ZNF536: variants seen among roughly 807,000 people sequenced by gnomAD.
ZNF536 encodes the protein zinc finger protein 536.
ZNF536 carries 13 observed loss-of-function variants against 84.5 expected under a neutral mutation model. The ratio of observed to expected loss-of-function variants is 0.15; its 90% CI spans 0.10 to 0.24. The LOEUF (loss-of-function observed/expected upper bound fraction) is 0.24. Ranked by LOEUF, ZNF536 falls within the 10% of genes least tolerant of loss-of-function variation. The probability of loss-of-function intolerance (pLI) is 1.00; values close to 1 mark genes in which losing one functional copy is unlikely to be tolerated. For missense variants in ZNF536, 1,536 were observed against 1,747.5 expected, an observed-to-expected ratio of 0.88 and a Z score of 2.16; for synonymous variants, 811 against 742.5, an observed-to-expected ratio of 1.09 and a Z score of -1.50.
intron 2 of ZNF536, among the ~76,000 whole-genome samples, chr19:30,469,888 C>G (rs2053562110): frequency 6.6e-6 from 1 of 152,182 alleles, no homozygotes; most frequent in African/African-American, 2.4e-5. Flanking sequence ...TGTCCCCAGC[C>G]CACCCCCACA....
intron 1 of ZNF536, among the ~76,000 whole-genome samples, chr19:30,576,045 C>T (rs1238183490): frequency 1.3e-5 from 2 of 152,132 alleles, no homozygotes; most frequent in African/African-American, 4.8e-5. Flanking sequence ...TCAAGTGTGC[C>T]CACATTGGAA....
At chr19:30,318,142 A>T (rs567881538) in intron 2 of ZNF536, among the ~76,000 whole-genome samples, 1 of 152,206 alleles carries the variant, frequency 6.6e-6, no homozygotes, top group South Asian at 2.1e-4. Context: ...TGATAAAACC[A>T]TCTTGGCCAG....
intron 1 of ZNF536, among the ~76,000 whole-genome samples, chr19:30,239,088 T>C (rs184809441): frequency 1.6e-4 from 25 of 152,232 alleles, no homozygotes; most frequent in Non-Finnish European, 2.9e-4. Context: ...CCAGAGGGTA[T>C]CCCAAATCTA....
chr19:30,638,488 G>C (rs1323029393), intron 1 of ZNF536, among the ~76,000 whole-genome samples: 2 of 152,180 alleles, frequency 1.3e-5, no homozygotes, highest in Non-Finnish European at 2.9e-5. Flanking sequence ...GGAAGCGTGA[G>C]AGGGGGGAAG....
chr19:30,694,455 T>C (rs1436050553), intron 1 of ZNF536, among the ~76,000 whole-genome samples: 1 of 151,680 alleles, frequency 6.6e-6, no homozygotes, highest in Non-Finnish European at 1.5e-5. Context: ...TAGTTGAGAG[T>C]GGTACAAAGT....
chr19:30,487,115 T>G (rs2054330728), intron 2 of ZNF536, among the ~76,000 whole-genome samples: 1 of 152,234 alleles, frequency 6.6e-6, no homozygotes, highest in African/African-American at 2.4e-5. Context: ...GAAGACAATT[T>G]GTCAATACCC....
upstream of ZNF536, among the ~76,000 whole-genome samples, chr19:30,227,151 G>A (rs987462039): frequency 1.3e-5 from 2 of 151,698 alleles, no homozygotes; most frequent in African/African-American, 4.8e-5. Flanking sequence ...ACGCGGGGAA[G>A]TTAGGGAAAA....
intron 3 of ZNF536, among the ~76,000 whole-genome samples, chr19:30,546,874 A>T (rs1398405482): frequency 2.6e-5 from 4 of 152,170 alleles, no homozygotes; most frequent in African/African-American, 9.7e-5. Context: ...AATATATTTA[A>T]ATCTGCAGTC....
chr19:30,643,158 C>A (rs2147356778), intron 1 of ZNF536, among the ~76,000 whole-genome samples: 1 of 152,306 alleles, frequency 6.6e-6, no homozygotes, highest in Admixed American at 6.5e-5. Context: ...GGAACGGGTG[C>A]TTCTTCTCCT....
At chr19:30,660,090 T>C (rs1251981912) in intron 1 of ZNF536, among the ~76,000 whole-genome samples, 2 of 152,182 alleles carry the variant, frequency 1.3e-5, no homozygotes, top group African/African-American at 4.8e-5. Flanking sequence ...TGTTCACAAA[T>C]GATAGTGACA....
At chr19:30,364,420 G>A (rs983599682) in intron 3 of ZNF536, among the ~76,000 whole-genome samples, 4 of 152,146 alleles carry the variant, frequency 2.6e-5, no homozygotes, top group South Asian at 2.1e-4. Flanking sequence ...CTAGCTACTC[G>A]GGAGGCTGAG....
chr19:30,498,493 C>T (rs1463526190), intron 2 of ZNF536, among the ~76,000 whole-genome samples: 2 of 151,976 alleles, frequency 1.3e-5, no homozygotes, highest in Non-Finnish European at 2.9e-5. Context: ...GAATACTGGG[C>T]TTAATACCTA....
At chr19:30,409,113 A>G (rs921797342) in intron 1 of ZNF536, among the ~76,000 whole-genome samples, 5 of 152,116 alleles carry the variant, frequency 3.3e-5, no homozygotes, top group African/African-American at 1.2e-4. Flanking sequence ...ATTATCATCC[A>G]TTCGTCTATT....
chr19:30,312,483 C>T (rs1033775952), intron 2 of ZNF536, among the ~76,000 whole-genome samples: 1 of 152,214 alleles, frequency 6.6e-6, no homozygotes, highest in South Asian at 2.1e-4. Flanking sequence ...TCTGGGATTC[C>T]TTGCGATCTT....
intron 1 of ZNF536, among the ~76,000 whole-genome samples, chr19:30,634,797 T>C (rs1216969382): frequency 1.3e-5 from 2 of 151,940 alleles, no homozygotes; most frequent in Non-Finnish European, 2.9e-5. Flanking sequence ...TCGTTATGGC[T>C]GCATCTCCAG....
At chr19:30,376,347 C>T (rs774320713) in intron 1 of ZNF536, among the ~76,000 whole-genome samples, 8 of 152,142 alleles carry the variant, frequency 5.3e-5, no homozygotes, top group South Asian at 2.1e-4. Flanking sequence ...TGTTCCACCC[C>T]GCAGAGGGCG....
At chr19:30,581,236 G>C (rs1386178999) in intron 1 of ZNF536, among the ~76,000 whole-genome samples, 1 of 152,188 alleles carries the variant, frequency 6.6e-6, no homozygotes, top group Non-Finnish European at 1.5e-5. Flanking sequence ...CCAGCACTTT[G>C]AGAGGCAAGG....
chr19:30,569,299 G>A (rs1460156846), intron 1 of ZNF536, among the ~76,000 whole-genome samples: 2 of 152,098 alleles, frequency 1.3e-5, no homozygotes, highest in Non-Finnish European at 2.9e-5. Flanking sequence ...CTAGCTAGAG[G>A]AAAGTCTGGG....
chr19:30,698,409 C>A (rs1370228505), intron 1 of ZNF536, among the ~76,000 whole-genome samples: 1 of 152,100 alleles, frequency 6.6e-6, no homozygotes. Flanking sequence ...ATTCACGAAG[C>A]AATATTGACA....
Sources: gnomAD v4.1 joint callset for allele counts (sites outside exome capture counted in the v4.1 genomes callset) on GRCh38, gnomAD v4.1.1 for gene constraint, MANE v1.5 for transcripts, NCBI Gene and HGNC (gene_info 2026-07-23, HGNC 2026-07-21) for gene names.